Variants in CDK14 observed in about 807,000 individuals in gnomAD.
CDK14 encodes the protein cyclin dependent kinase 14.
Under a neutral mutation model 60.7 loss-of-function variants are expected in CDK14, and 34 were observed. The observed-to-expected ratio is 0.56, with a 90% CI of 0.43 to 0.75. The LOEUF (loss-of-function observed/expected upper bound fraction) is 0.75, where lower values mean the gene tolerates loss of function less well. CDK14 is among the 30% of genes least tolerant of loss of function. The probability of loss-of-function intolerance (pLI) is 0.00; values close to 1 mark genes in which losing one functional copy is unlikely to be tolerated. For synonymous variants in CDK14, 197 were observed against 203.7 expected, an observed-to-expected ratio of 0.97 and a Z score of 0.28; for missense variants, 482 against 564.1, an observed-to-expected ratio of 0.85 and a Z score of 1.47.
At chr7:91,066,836 G>C (rs1797998350) in intron 11 of CDK14, among the ~76,000 whole-genome samples, 1 of 152,166 alleles carries the variant, frequency 6.6e-6, no homozygotes, top group South Asian at 2.1e-4. Flanking sequence ...TTCTCGGCAA[G>C]CTCTCCTACC....
chr7:90,977,626 A>G (rs527673877), intron 9 of CDK14, among the ~76,000 whole-genome samples: 1 of 152,206 alleles, frequency 6.6e-6, no homozygotes, highest in South Asian at 2.1e-4. Flanking sequence ...GTCACTCATG[A>G]TGTTAACCTT....
intron 2 of CDK14, among the ~76,000 whole-genome samples, chr7:90,683,119 G>A (rs1801354395): frequency 1.3e-5 from 2 of 152,090 alleles, no homozygotes; most frequent in South Asian, 4.1e-4. Flanking sequence ...CCTAGAGTTA[G>A]CATTCATCGA....
At chr7:91,010,700 T>C (rs973578338) in intron 10 of CDK14, among the ~76,000 whole-genome samples, 1 of 151,936 alleles carries the variant, frequency 6.6e-6, no homozygotes, top group Admixed American at 6.6e-5. Context: ...AGTTTTTCTT[T>C]TTGTAGTCCT....
chr7:91,192,654 T>C (rs1802403234), intron 14 of CDK14, among the ~76,000 whole-genome samples: 1 of 152,218 alleles, frequency 6.6e-6, no homozygotes, highest in African/African-American at 2.4e-5. Flanking sequence ...TAATTTTTAT[T>C]TTCACGTACT....
chr7:90,967,479 G>T (rs1584179643), intron 9 of CDK14, among the ~76,000 whole-genome samples: 1 of 152,072 alleles, frequency 6.6e-6, no homozygotes, highest in East Asian at 1.9e-4. Flanking sequence ...ATGAGTGGGA[G>T]CTGATTAAAT....
intron 6 of CDK14, among the ~76,000 whole-genome samples, chr7:90,879,886 C>T (rs1367439092): frequency 2.0e-5 from 3 of 151,920 alleles, no homozygotes; most frequent in African/African-American, 7.3e-5. Flanking sequence ...AGCCCCCACT[C>T]CCCAGAGAAG....
At chr7:90,890,170 C>T (rs373550432) in intron 6 of CDK14, among the ~76,000 whole-genome samples, 1 of 152,148 alleles carries the variant, frequency 6.6e-6, no homozygotes, top group African/African-American at 2.4e-5. Context: ...ACCAAGAGTT[C>T]GAGACTAGCC....
intron 2 of CDK14, among the ~76,000 whole-genome samples, chr7:90,717,024 T>C (rs560820738): frequency 1.3e-5 from 2 of 152,168 alleles, no homozygotes; most frequent in Non-Finnish European, 2.9e-5. Context: ...CCAGATGAAA[T>C]TCTGGTCACA....
At position 91,186,522 on chromosome 7, in the gene CDK14, A is replaced by G. The variant is rs954058144; in HGVS notation, c.*29-20643A>G. Among the ~76,000 whole-genome samples the G allele has an allele frequency of 7.3e-5, 11 of 151,638 alleles. No individual in the cohort carries two copies. The East Asian group carries it at 7.8e-4, about 11-fold the overall frequency. ...ATTATCATTGATCTTAGATAGGCCA[A>G]TTGGCTCCTAATGGTTCACTTATTG... On this transcript the variant is annotated intron_variant, in intron 14 of 14. Coordinates refer to ENST00000380050, the MANE Select transcript of CDK14 (RefSeq NM_001287135.2).
intron 2 of CDK14, among the ~76,000 whole-genome samples, chr7:90,634,338 A>C (rs1439858408): frequency 7.9e-6 from 1 of 126,502 alleles, no homozygotes; most frequent in East Asian, 2.4e-4. Flanking sequence ...TCCTGTGTCC[A>C]TGTGTTCTCA....
At chr7:90,875,902 A>T (rs1791542504) in intron 6 of CDK14, among the ~76,000 whole-genome samples, 1 of 152,094 alleles carries the variant, frequency 6.6e-6, no homozygotes, top group African/African-American at 2.4e-5. Flanking sequence ...TTTCATTTAT[A>T]ATATATTCTT....
At chr7:90,750,166 ACAC>A (rs1803769767) in intron 4 of CDK14, among the ~76,000 whole-genome samples, 2 of 80,792 alleles carry the variant, frequency 2.5e-5, no homozygotes, top group African/African-American at 7.8e-5. Flanking sequence ...ACACACACAC[ACAC>A]ACACACACAC....
At chr7:90,865,353 C>G (rs982868018) in intron 6 of CDK14, among the ~76,000 whole-genome samples, 6 of 152,068 alleles carry the variant, frequency 3.9e-5, no homozygotes, top group Admixed American at 2.6e-4. Flanking sequence ...AAAATAACTT[C>G]CCTGAATATT....
chr7:90,963,808 C>T (rs541263316), intron 9 of CDK14, among the ~76,000 whole-genome samples: 2 of 150,400 alleles, frequency 1.3e-5, no homozygotes, highest in African/African-American at 2.4e-5. Context: ...CTTCGTCTCC[C>T]GGGTTCAAGA....
At chr7:90,611,636 A>G (rs1197901217) in intron 2 of CDK14, among the ~76,000 whole-genome samples, 1 of 152,120 alleles carries the variant, frequency 6.6e-6, no homozygotes, top group African/African-American at 2.4e-5. Context: ...GAGTAGTTGT[A>G]TAACTGACTT....
At position 90,726,501 on chromosome 7, in the gene CDK14, A is replaced by G. The variant is rs150323625; in HGVS notation, c.124-66A>G. 9.8e-4 allele frequency: 1,489 copies of G among 1,512,562 alleles called. 12 individuals carry two copies. In the African/African-American group the frequency reaches 0.018, roughly 18 times the overall value. The allele number at this position is 1,512,562 out of a possible 1,614,324, so 93.7% of individuals were successfully genotyped here. ...ATTGGCATGCTTTCTAGAGTTATAT[A>G]TTGGCATGTTTAGTGATATTAAAGT... On this transcript the variant is annotated intron_variant, in intron 2 of 14. Coordinates refer to ENST00000380050, the MANE Select transcript of CDK14 (RefSeq NM_001287135.2).
intron 14 of CDK14, among the ~76,000 whole-genome samples, chr7:91,120,989 A>G (rs1799767334): frequency 6.6e-6 from 1 of 152,224 alleles, no homozygotes. Context: ...GCAGAAAAAG[A>G]AATTATTTTA....
intron 9 of CDK14, among the ~76,000 whole-genome samples, chr7:90,974,143 C>G (rs1002246563): frequency 1.3e-5 from 2 of 152,138 alleles, no homozygotes; most frequent in Non-Finnish European, 2.9e-5. Context: ...TTCTCCTATT[C>G]ACATAACCAT....
intron 8 of CDK14, among the ~76,000 whole-genome samples, chr7:90,953,056 T>C (rs1794308860): frequency 6.6e-6 from 1 of 152,152 alleles, no homozygotes; most frequent in African/African-American, 2.4e-5. Flanking sequence ...TTTTTATTTT[T>C]TGAGTCATTG....
Sources: gnomAD v4.1 joint callset for allele counts (sites outside exome capture counted in the v4.1 genomes callset) on GRCh38, gnomAD v4.1.1 for gene constraint, MANE v1.5 for transcripts, NCBI Gene and HGNC (gene_info 2026-07-23, HGNC 2026-07-21) for gene names.